Variants in NTN4 observed in about 807,000 individuals in gnomAD.
NTN4 encodes the protein netrin 4.
Under a neutral mutation model 73.6 loss-of-function variants are expected in NTN4, and 32 were observed. That is an observed-to-expected ratio of 0.44 (90% CI 0.33 to 0.58). The LOEUF (loss-of-function observed/expected upper bound fraction) is 0.58. Among genes scored for constraint, NTN4 ranks in the 20% least tolerant of loss-of-function variants. NTN4 has a pLI of 0.04. For synonymous variants in NTN4, 258 were observed against 287.5 expected (o/e 0.90, Z 1.04); for missense variants, 654 against 798.3 (o/e 0.82, Z 2.18).
chr12:95,758,559 T>C (rs2078962836), intron 2 of NTN4, among the ~76,000 whole-genome samples: 1 of 152,138 alleles, frequency 6.6e-6, no homozygotes, highest in African/African-American at 2.4e-5. Context: ...GCAATAGTTT[T>C]TTATTTTATT....
chr12:95,697,926 AT>A (rs1322302684), intron 5 of NTN4, among the ~76,000 whole-genome samples: 1 of 152,228 alleles, frequency 6.6e-6, no homozygotes, highest in East Asian at 1.9e-4. Context: ...GATCAAAAAT[AT>A]TTGAGGAGAA....
At chr12:95,701,098 C>T (rs2078481945) in intron 5 of NTN4, among the ~76,000 whole-genome samples, 1 of 152,118 alleles carries the variant, frequency 6.6e-6, no homozygotes, top group Non-Finnish European at 1.5e-5. Flanking sequence ...CAGGTGTGAG[C>T]CACCACCCCT....
At chr12:95,720,710 T>A (rs188886352) in intron 3 of NTN4, among the ~76,000 whole-genome samples, 1 of 152,230 alleles carries the variant, frequency 6.6e-6, no homozygotes, top group Admixed American at 6.5e-5. Flanking sequence ...CTATAAGGGG[T>A]ATACAGGTTT....
chr12:95,710,494 G>A lies in NTN4; in HGVS notation c.1127C>T (p.Pro376Leu). Reference protein sequence around the residue: ...TEGQYCQRCKPGFYRDLRRPF... With the variant: ...TEGQYCQRCKLGFYRDLRRPF... Reference sequence around the variant, plus strand: ...TCTCCGCAGGTCACGATAGAAGCCTGGCTTGCACCTCTGGCAATACTGTCC... The same window carrying A: ...TCTCCGCAGGTCACGATAGAAGCCTAGCTTGCACCTCTGGCAATACTGTCC... Residue 376 changes from proline (P) to leucine (L), a missense_variant, in exon 5 of 10, where the codon CCA (proline) becomes CTA (leucine). Pro to Leu is a moderately conservative substitution (Grantham distance 98). Coordinates refer to ENST00000343702, the MANE Select transcript of NTN4 (RefSeq NM_021229.4). The A allele has an allele frequency of 6.2e-7, 1 of 1,614,116 alleles. No homozygotes were observed. The highest frequency in any genetic ancestry group is 8.5e-7 in the Non-Finnish European group (1 of 1,180,032).
chr12:95,788,502 A>G (rs2079185261), intron 1 of NTN4, among the ~76,000 whole-genome samples: 1 of 151,710 alleles, frequency 6.6e-6, no homozygotes, highest in Non-Finnish European at 1.5e-5. Flanking sequence ...AAAATCATCT[A>G]TTTTAAAGGT....
chr12:95,716,393 A>G (rs2078605279), intron 3 of NTN4, among the ~76,000 whole-genome samples: 1 of 152,218 alleles, frequency 6.6e-6, no homozygotes, highest in Admixed American at 6.5e-5. Flanking sequence ...AACCAGAGGT[A>G]TGTGTTCGAG....
intron 7 of NTN4, among the ~76,000 whole-genome samples, chr12:95,677,790 G>A (rs1483212607): frequency 6.6e-6 from 1 of 152,132 alleles, no homozygotes; most frequent in African/African-American, 2.4e-5. Flanking sequence ...ATTCCTCAAG[G>A]GTCTAGAACC....
At chr12:95,768,753 T>C (rs796814000) in intron 2 of NTN4, among the ~76,000 whole-genome samples, 15 of 152,240 alleles carry the variant, frequency 9.9e-5, no homozygotes, top group African/African-American at 3.6e-4. Context: ...TTCAGGAGAA[T>C]GCCACAATTA....
At chr12:95,740,496 G>A (rs186025352) in intron 2 of NTN4, among the ~76,000 whole-genome samples, 16 of 152,274 alleles carry the variant, frequency 1.1e-4, no homozygotes, top group East Asian at 5.8e-4. Flanking sequence ...CAGGGATTGC[G>A]CTTTTTGACC....
intron 5 of NTN4, among the ~76,000 whole-genome samples, chr12:95,701,421 T>G (rs895996329): frequency 6.6e-6 from 1 of 152,126 alleles, no homozygotes; most frequent in East Asian, 1.9e-4. Flanking sequence ...TTCAAAAATT[T>G]TTTTTTCCTA....
chr12:95,778,091 T>C (rs906822202), intron 2 of NTN4, among the ~76,000 whole-genome samples: 2 of 152,014 alleles, frequency 1.3e-5, no homozygotes, highest in Non-Finnish European at 2.9e-5. Flanking sequence ...AAGGCAGAAA[T>C]AAAGATGTTC....
intron 5 of NTN4, among the ~76,000 whole-genome samples, chr12:95,696,174 A>G (rs2078440377): frequency 6.6e-6 from 1 of 151,864 alleles, no homozygotes; most frequent in Non-Finnish European, 1.5e-5. Flanking sequence ...TCGCCTTTGA[A>G]CTGATGCGGT....
chr12:95,758,322 G>A (rs1458395966), intron 2 of NTN4, among the ~76,000 whole-genome samples: 2 of 152,152 alleles, frequency 1.3e-5, no homozygotes, highest in East Asian at 1.9e-4. Context: ...GTATTTCCCT[G>A]TTGACTAGTG....
At chr12:95,687,404 GTTTTTTTGT>G (rs139459299) in intron 5 of NTN4, among the ~76,000 whole-genome samples, 25,016 of 149,646 alleles carry the variant, frequency 0.17, 2,165 homozygotes, top group South Asian at 0.24. Flanking sequence ...TTGTTTTTTT[GTTTTTTTGT>G]TTTTTGTGAT....
chr12:95,738,107 T>C lies in NTN4; in HGVS notation c.623A>G (p.Glu208Gly), dbSNP rs1400105684. 10 of 1,614,164 alleles carry C rather than the reference T, an allele frequency of 6.2e-6. No homozygotes were observed. The highest frequency in any genetic ancestry group is 1.1e-5 in the South Asian group (1 of 91,082). The change falls in exon 3 of 10, where the codon GAG (glutamate) becomes GGG (glycine). Residue 208 changes from glutamate to glycine, a missense_variant. Transcript: ENST00000343702. ...CTGAACTTTGGCACTGTAAGGGTTC[T>C]CTGTATCGTATGGTGGTGACAAAGC... is the stretch of plus-strand genomic sequence containing the variant. ...FKALSPPYDT[E>G]NPYSAKVQEQ...
At chr12:95,757,744 T>TTATCATA (rs58331492) in intron 2 of NTN4, among the ~76,000 whole-genome samples, 1 of 146,018 alleles carries the variant, frequency 6.8e-6, no homozygotes, top group Admixed American at 6.9e-5. Flanking sequence ...TTCATTATCA[T>TTATCATA]AGAAGCCCAA....
intron 2 of NTN4, among the ~76,000 whole-genome samples, chr12:95,773,907 C>T (rs12099491): frequency 0.046 from 7,065 of 152,126 alleles, 393 homozygotes; most frequent in East Asian, 0.31. Flanking sequence ...CTTCCCTCCC[C>T]GCAAAAACCA....
At chr12:95,738,630 C>T (rs2078800085) in intron 2 of NTN4, among the ~76,000 whole-genome samples, 1 of 152,188 alleles carries the variant, frequency 6.6e-6, no homozygotes, top group Admixed American at 6.5e-5. Context: ...TAGCGGAAGC[C>T]ACTGGGACAC....
intron 2 of NTN4, among the ~76,000 whole-genome samples, chr12:95,771,016 G>T (rs1045540964): frequency 9.7e-6 from 1 of 102,762 alleles, no homozygotes; most frequent in African/African-American, 3.9e-5. Flanking sequence ...TTGAGACAGA[G>T]TCTCGCTCTG....
Sources: allele counts gnomAD v4.1 joint callset (sites outside exome capture counted in the v4.1 genomes callset), GRCh38; gene constraint gnomAD v4.1.1; transcripts MANE v1.5; gene names NCBI Gene and HGNC (gene_info 2026-07-23, HGNC 2026-07-21).